GRIK1: variants seen among roughly 807,000 people sequenced by gnomAD.
GRIK1 encodes glutamate receptor ionotropic, kainate 1.
Under a neutral mutation model 105.7 loss-of-function variants are expected in GRIK1, and 69 were observed. That is an observed-to-expected ratio of 0.65 (90% CI 0.54 to 0.80). GRIK1 has a LOEUF of 0.80. GRIK1 is among the 30% of genes least tolerant of loss of function. The pLI is 0.00. For synonymous variants in GRIK1, 438 were observed against 431.3 expected (o/e 1.02, Z -0.19); for missense variants, 1,109 against 1,167.3 (o/e 0.95, Z 0.73).
intron 2 of GRIK1, among the ~76,000 whole-genome samples, chr21:29,691,128 TG>T (rs2063576926): frequency 6.6e-6 from 1 of 151,068 alleles, no homozygotes; most frequent in Admixed American, 6.6e-5. Flanking sequence ...CTGGCCATCA[TG>T]GTGAAACCCC....
chr21:29,834,499 C>A (rs1052911810), intron 1 of GRIK1, among the ~76,000 whole-genome samples: 5 of 151,136 alleles, frequency 3.3e-5, no homozygotes, highest in African/African-American at 1.2e-4. Context: ...TTGTTCTTCA[C>A]TTCTTGGTCA....
chr21:29,637,641 A>G (rs912338683), intron 7 of GRIK1, among the ~76,000 whole-genome samples: 6 of 152,132 alleles, frequency 3.9e-5, no homozygotes, highest in Non-Finnish European at 8.8e-5. Context: ...CTGTCTATGA[A>G]CTAGGAAGCC....
At chr21:29,690,023 G>T in intron 2 of GRIK1, 38 bp from the exon 3 acceptor site, 3 of 1,251,536 alleles carry the variant, frequency 2.4e-6, no homozygotes, top group African/African-American at 1.5e-5. Flanking sequence ...GGGAGGGAGG[G>T]CAGGGAAAGG....
At chr21:29,769,555 G>T (rs1031672601) in intron 1 of GRIK1, among the ~76,000 whole-genome samples, 10 of 152,084 alleles carry the variant, frequency 6.6e-5, no homozygotes, top group African/African-American at 2.4e-4. Flanking sequence ...TCACAATAGG[G>T]TTTGCGCTCC....
At chr21:29,806,993 A>G (rs994484310) in intron 1 of GRIK1, among the ~76,000 whole-genome samples, 2 of 152,158 alleles carry the variant, frequency 1.3e-5, no homozygotes, top group Non-Finnish European at 2.9e-5. Flanking sequence ...TTTCTCATTA[A>G]GCCCCATCTT....
intron 1 of GRIK1, among the ~76,000 whole-genome samples, chr21:29,833,312 T>C (rs576826093): frequency 2.0e-5 from 3 of 152,168 alleles, no homozygotes. Context: ...CTCTGCTCAT[T>C]ACCCAGTTCC....
At chr21:29,636,765 A>G (rs2062405264) in intron 7 of GRIK1, among the ~76,000 whole-genome samples, 1 of 152,210 alleles carries the variant, frequency 6.6e-6, no homozygotes, top group South Asian at 2.1e-4. Flanking sequence ...TGCTTCAATC[A>G]TACCTATACA....
In GRIK1 at chr21:29,553,193, A is replaced by G. The variant is rs1166437172; in HGVS notation, c.2607+1859T>C. On this transcript the variant is annotated intron_variant, in intron 16 of 17. Transcript: ENST00000327783. ...AGTTCACAAAGATGAAAAGAAGTCC[A>G]TAGAATTAGCATCGTGTTTCCATGC... 8 of 986,982 alleles carry G rather than the reference A, an allele frequency of 8.1e-6. No homozygotes were observed. In the African/African-American group the frequency reaches 1.4e-4, roughly 17 times the overall value. 61.1% of individuals were successfully genotyped at this position (986,982 alleles called of 1,614,324 possible).
chr21:29,822,178 A>G (rs1424862532), intron 1 of GRIK1, among the ~76,000 whole-genome samples: 2 of 152,058 alleles, frequency 1.3e-5, no homozygotes, highest in Non-Finnish European at 2.9e-5. Flanking sequence ...TGGGCCATAC[A>G]GTCACTAATG....
chr21:29,836,864 A>G (rs2067822689), intron 1 of GRIK1, among the ~76,000 whole-genome samples: 1 of 152,188 alleles, frequency 6.6e-6, no homozygotes, highest in Admixed American at 6.6e-5. Flanking sequence ...ATGGGGGCTG[A>G]GAGGAAAGAA....
intron 1 of GRIK1, among the ~76,000 whole-genome samples, chr21:29,712,957 T>C (rs765523258): frequency 1.3e-5 from 2 of 152,152 alleles, no homozygotes; most frequent in East Asian, 3.9e-4. Flanking sequence ...ATTGTTCACA[T>C]TGAGATAAGA....
chr21:29,724,695 T>C (rs1381697449), intron 1 of GRIK1, among the ~76,000 whole-genome samples: 1 of 152,172 alleles, frequency 6.6e-6, no homozygotes, highest in Non-Finnish European at 1.5e-5. Flanking sequence ...AATAAATACT[T>C]TCCCCAGTGG....
At chr21:29,641,792 AC>A (rs1272237557) in intron 7 of GRIK1, among the ~76,000 whole-genome samples, 2 of 152,070 alleles carry the variant, frequency 1.3e-5, no homozygotes, top group Admixed American at 1.3e-4. Context: ...CTTTATCCTC[AC>A]CCTCATGGAT....
chr21:29,712,494 C>T (rs1466367778), intron 1 of GRIK1, among the ~76,000 whole-genome samples: 1 of 151,938 alleles, frequency 6.6e-6, no homozygotes, highest in African/African-American at 2.4e-5. Context: ...AACTTACATG[C>T]CTACCACGAG....
intron 1 of GRIK1, among the ~76,000 whole-genome samples, chr21:29,808,315 C>T (rs1205885862): frequency 6.6e-6 from 1 of 152,090 alleles, no homozygotes; most frequent in African/African-American, 2.4e-5. Flanking sequence ...GCTCCAACAC[C>T]GAATAGCTGG....
intron 3 of GRIK1, among the ~76,000 whole-genome samples, chr21:29,677,018 A>T (rs1327974186): frequency 6.6e-6 from 1 of 152,200 alleles, no homozygotes; most frequent in East Asian, 1.9e-4. Context: ...ATAACGAGAA[A>T]GGTCCTTCCT....
intron 1 of GRIK1, among the ~76,000 whole-genome samples, chr21:29,824,540 G>T (rs2067394305): frequency 6.6e-6 from 1 of 151,928 alleles, no homozygotes; most frequent in South Asian, 2.1e-4. Context: ...ATTCAGAAAA[G>T]GCATCTCTGG....
At chr21:29,560,436 T>TC (rs1351690474) in intron 15 of GRIK1, among the ~76,000 whole-genome samples, 1 of 136,716 alleles carries the variant, frequency 7.3e-6, no homozygotes, top group Non-Finnish European at 1.6e-5. Context: ...TTTCTTTCTT[T>TC]CTTTTTCTTT....
chr21:29,732,130 C>A (rs1441724423), intron 1 of GRIK1, among the ~76,000 whole-genome samples: 1 of 152,128 alleles, frequency 6.6e-6, no homozygotes, highest in Non-Finnish European at 1.5e-5. Flanking sequence ...ATTTAAACTG[C>A]GTTTGGATTT....
Sources: gnomAD v4.1 joint callset for allele counts (sites outside exome capture counted in the v4.1 genomes callset) on GRCh38, gnomAD v4.1.1 for gene constraint, MANE v1.5 for transcripts, NCBI Gene and HGNC (gene_info 2026-07-23, HGNC 2026-07-21) for gene names.